The following ITGA8 variants were observed in gnomAD, a reference collection of about 807,000 sequenced individuals.
The protein encoded by ITGA8 is integrin alpha-8.
Under a neutral mutation model 142.3 loss-of-function variants are expected in ITGA8, and 91 were observed. The ratio of observed to expected loss-of-function variants is 0.64; its 90% CI spans 0.54 to 0.76. The LOEUF is 0.76. ITGA8 is among the 30% of genes least tolerant of loss of function. The pLI is 0.00. For missense variants in ITGA8, 1,406 were observed against 1,327.7 expected (o/e 1.06, Z -0.92); for synonymous variants, 505 against 485.2 (o/e 1.04, Z -0.54).
At position 15,521,451 on chromosome 10, in the gene ITGA8, C is replaced by A. The variant is rs4750665; in HGVS notation, c.2983-2039G>T. Among the ~76,000 whole-genome samples, 3 of 151,896 alleles carry A rather than the reference C, an allele frequency of 2.0e-5. No homozygotes were observed. The East Asian group carries it at 5.8e-4, about 30-fold the overall frequency. ...GCAGATGCTGATGACTCAATTCATT[C>A]GATTCTCCAGCCCCAAATGTCATTT... On this transcript the variant is annotated intron_variant, in intron 28 of 29. Transcript: ENST00000378076.
chr10:15,592,080 A>T (rs943744831), intron 22 of ITGA8, 145 bp downstream of exon 22: 1 of 551,416 alleles, frequency 1.8e-6, no homozygotes, highest in Admixed American at 3.3e-5. Flanking sequence ...AATTGAGAAA[A>T]ACAAAGAAGA....
chr10:15,704,612 A>T (rs1376895062), intron 2 of ITGA8, among the ~76,000 whole-genome samples: 1 of 152,174 alleles, frequency 6.6e-6, no homozygotes, highest in Non-Finnish European at 1.5e-5. Context: ...AGTCATAGGT[A>T]CAGCTGGGGA....
chr10:15,617,482 T>C (rs1833415805), intron 13 of ITGA8, among the ~76,000 whole-genome samples: 1 of 151,482 alleles, frequency 6.6e-6, no homozygotes, highest in Admixed American at 6.6e-5. Context: ...CACTGAAACC[T>C]CCATCTTCAG....
Position 15,572,262 on chromosome 10 carries a change from C to G in ITGA8, c.2586G>C (p.Leu862=), listed in dbSNP as rs750037730. Residue 862 remains leucine, a synonymous_variant, in exon 25 of 30, where the codon CTG becomes CTC. Coordinates refer to ENST00000378076, the MANE Select transcript of ITGA8 (RefSeq NM_003638.3). ...GATTTGGTTGGCACTGCAGAGGTCC[C>G]AGAGTTTGAATATGGAAAATATAGA... ...FLLYIFHIQT[L]GPLQCQPNPN... The G allele has an allele frequency of 6.2e-7, 1 of 1,613,946 alleles. No individual in the cohort carries two copies.
intron 2 of ITGA8, among the ~76,000 whole-genome samples, chr10:15,702,591 C>T (rs368773054): frequency 1.9e-4 from 29 of 152,036 alleles, no homozygotes; most frequent in African/African-American, 7.0e-4. Context: ...GCGCGTGGCC[C>T]ACGTGAAGAT....
chr10:15,615,702 T>A (rs1479494295), intron 14 of ITGA8, among the ~76,000 whole-genome samples: 1 of 152,072 alleles, frequency 6.6e-6, no homozygotes, highest in Non-Finnish European at 1.5e-5. Context: ...TAAGTAGAGA[T>A]GGGGTTTTGC....
chr10:15,635,918 TACACACACACACACACACAC>T (rs4030579), intron 13 of ITGA8, among the ~76,000 whole-genome samples: 2 of 143,044 alleles, frequency 1.4e-5, no homozygotes, highest in Non-Finnish European at 3.0e-5. Context: ...TTGCTTATAC[TACACACACACACACACACAC>T]ACACACACAC....
intron 4 of ITGA8, 142 bp downstream of exon 4, chr10:15,683,862 G>A: frequency 2.4e-6 from 2 of 837,974 alleles, no homozygotes; most frequent in Non-Finnish European, 3.7e-6. Flanking sequence ...CTGTAAGGCT[G>A]ACAAAAATCT....
intron 9 of ITGA8, among the ~76,000 whole-genome samples, chr10:15,660,355 T>A (rs1197736435): frequency 6.6e-6 from 1 of 152,234 alleles, no homozygotes; most frequent in African/African-American, 2.4e-5. Flanking sequence ...GTTAAGTAGC[T>A]GCTCCTGCAC....
At chr10:15,713,766 TCC>T (rs1835402668) in intron 2 of ITGA8, among the ~76,000 whole-genome samples, 1 of 152,220 alleles carries the variant, frequency 6.6e-6, no homozygotes, top group East Asian at 1.9e-4. Context: ...AACAAAGGCT[TCC>T]GGTCTCCCGC....
rs116900825 is a variant in ITGA8, at chr10:15,541,270, G to A, written c.2880+7185C>T. 3.8e-3 allele frequency among the ~76,000 whole-genome samples: 583 copies of A among 152,302 alleles called. 1 individual carries two copies. The highest frequency in any genetic ancestry group is 6.8e-3 in the Middle Eastern group (2 of 294). On this transcript the variant is annotated intron_variant, in intron 27 of 29. Coordinates refer to ENST00000378076, the MANE Select transcript of ITGA8 (RefSeq NM_003638.3). The stretch of plus-strand genomic sequence containing the variant: ...CTGTCACCTGAAAAGGCAACATAGG[G>A]TTGCTTGAATTCTTTTCTGAATGAA...
intron 8 of ITGA8, among the ~76,000 whole-genome samples, chr10:15,668,043 T>G (rs1483394106): frequency 7.2e-5 from 11 of 152,254 alleles, no homozygotes; most frequent in African/African-American, 2.2e-4. Context: ...GTCCACTTGG[T>G]GCAGAGCTGA....
At chr10:15,548,229 C>T (rs1348088923) in intron 27 of ITGA8, among the ~76,000 whole-genome samples, 1 of 151,960 alleles carries the variant, frequency 6.6e-6, no homozygotes, top group East Asian at 1.9e-4. Context: ...GTAGCTGGGA[C>T]CACTGGTGTT....
At chr10:15,698,032 A>G (rs1835089634) in intron 2 of ITGA8, among the ~76,000 whole-genome samples, 1 of 152,152 alleles carries the variant, frequency 6.6e-6, no homozygotes, top group Non-Finnish European at 1.5e-5. Context: ...CACTGTACCC[A>G]ATGTGTAGTC....
chr10:15,569,793 G>A (rs1588650422), intron 25 of ITGA8, among the ~76,000 whole-genome samples: 1 of 152,212 alleles, frequency 6.6e-6, no homozygotes, highest in South Asian at 2.1e-4. Flanking sequence ...AAATTTCTCA[G>A]ATCTATTCTG....
chr10:15,696,183 A>T (rs980781828), intron 2 of ITGA8, among the ~76,000 whole-genome samples: 2 of 152,252 alleles, frequency 1.3e-5, no homozygotes, highest in Non-Finnish European at 2.9e-5. Flanking sequence ...CAAAAGGACC[A>T]GTGGTTCCGG....
At position 15,562,570 on chromosome 10, in the gene ITGA8, C is replaced by T. The variant is rs375109549; in HGVS notation, c.2638-4368G>A. Among the ~76,000 whole-genome samples, 58 of 152,280 alleles carry T rather than the reference C, an allele frequency of 3.8e-4. No homozygotes were observed. The East Asian group carries it at 0.011, about 28-fold the overall frequency. ...GATGGGGTAACTGTGTCAGAGAAAGCATTTATACCAGGGAAGAAAAATTTT... is the reference window on the plus strand; with the variant it reads ...GATGGGGTAACTGTGTCAGAGAAAGTATTTATACCAGGGAAGAAAAATTTT... On this transcript the variant is annotated intron_variant, in intron 25 of 29. Coordinates refer to ENST00000378076, the MANE Select transcript of ITGA8 (RefSeq NM_003638.3).
intron 26 of ITGA8, among the ~76,000 whole-genome samples, chr10:15,549,872 G>A (rs1325987808): frequency 2.6e-5 from 4 of 152,214 alleles, no homozygotes; most frequent in Non-Finnish European, 5.9e-5. Context: ...TATATTGTCT[G>A]ATAAATTGCG....
At chr10:15,699,315 G>A (rs560848900) in intron 2 of ITGA8, among the ~76,000 whole-genome samples, 39 of 152,078 alleles carry the variant, frequency 2.6e-4, no homozygotes, top group African/African-American at 8.7e-4. Flanking sequence ...CAAAAACATG[G>A]CATTATATTT....
Sources: allele counts gnomAD v4.1 joint callset (sites outside exome capture counted in the v4.1 genomes callset), GRCh38; gene constraint gnomAD v4.1.1; transcripts MANE v1.5; gene names NCBI Gene and HGNC (gene_info 2026-07-23, HGNC 2026-07-21).